DMD: variants seen among roughly 807,000 people sequenced by gnomAD.
DMD encodes the protein mutant dystrophin.
In DMD, 63 loss-of-function variants were observed where a neutral mutation model predicts 330.1. That is an observed-to-expected ratio of 0.19 (90% CI 0.16 to 0.24). The LOEUF (loss-of-function observed/expected upper bound fraction) is 0.24. Among genes scored for constraint, DMD ranks in the 10% least tolerant of loss-of-function variants. The pLI is 1.00. For missense variants in DMD, 3,344 were observed against 2,684.1 expected, an observed-to-expected ratio of 1.25 and a Z score of -5.43; for synonymous variants, 1,223 against 959.8, an observed-to-expected ratio of 1.27 and a Z score of -5.07.
chrX:32,715,412 G>C (rs866183113), intron 7 of DMD, among the ~76,000 whole-genome samples: 37 of 101,556 alleles, frequency 3.6e-4, no homozygotes, highest in African/African-American at 1.4e-3. Context: ...AGGAAGTGGA[G>C]GTTGCAGTGA....
intron 19 of DMD, among the ~76,000 whole-genome samples, chrX:32,497,691 G>A (rs751909844): frequency 5.0e-4 from 56 of 111,576 alleles, no homozygotes; most frequent in Admixed American, 1.6e-3. Flanking sequence ...GTACTCATGC[G>A]AGAACACTGT....
chrX:32,190,403 A>G (rs1485965573), intron 44 of DMD, among the ~76,000 whole-genome samples: 2 of 108,452 alleles, frequency 1.8e-5, no homozygotes, highest in Non-Finnish European at 3.8e-5. Flanking sequence ...TTCCGCAATA[A>G]GTGACACAGC....
At chrX:31,542,182 G>A (rs903155149) in intron 55 of DMD, among the ~76,000 whole-genome samples, 1 of 111,816 alleles carries the variant, frequency 8.9e-6, no homozygotes, top group South Asian at 3.8e-4. Context: ...TGCAAAGGAC[G>A]CTATGGGGAC....
At chrX:32,336,250 A>C (rs2097714965) in intron 41 of DMD, among the ~76,000 whole-genome samples, 1 of 110,747 alleles carries the variant, frequency 9.0e-6, no homozygotes, top group African/African-American at 3.3e-5. Context: ...ACTCCTCCTC[A>C]AGTGATCCGC....
chrX:31,766,723 A>G (rs1161178751), intron 51 of DMD, among the ~76,000 whole-genome samples: 1 of 112,427 alleles, frequency 8.9e-6, no homozygotes, highest in African/African-American at 3.2e-5. Context: ...AGTGAATTGA[A>G]TTAAAATATA....
chrX:32,215,843 T>A lies in DMD; in HGVS notation c.6438+1073A>T, dbSNP rs1461938054. ...CTCTCTATACAAATGCCAACGCTGG[T>A]GTGCATGCAAGTTTGATTGATACAC... On this transcript the variant is annotated intron_variant, in intron 44 of 78. Transcript: ENST00000357033. Among the ~76,000 whole-genome samples the A allele has an allele frequency of 4.5e-5, 5 of 112,095 alleles. No homozygotes were observed. In the East Asian group the frequency reaches 1.4e-3, roughly 31 times the overall value.
rs768304534 is a variant in DMD at position 31,298,178 on chromosome X, A to G, written c.9224+25420T>C. On this transcript the variant is annotated intron_variant, in intron 62 of 78. Transcript: ENST00000357033. ...GTACACACATACCTGTCTATATCCA[A>G]GCTTGGGGGTAACACTTCTGGGTTT... 7.2e-5 allele frequency among the ~76,000 whole-genome samples: 8 copies of G among 111,518 alleles called. 1 individual carries two copies. In the South Asian group the frequency reaches 3.0e-3, roughly 42 times the overall value.
intron 63 of DMD, among the ~76,000 whole-genome samples, chrX:31,243,053 T>C (rs768005149): frequency 4.5e-5 from 5 of 111,676 alleles, no homozygotes; most frequent in Non-Finnish European, 9.4e-5. Flanking sequence ...TCATGCCTTA[T>C]ACTTTTGTGC....
intron 1 of DMD, among the ~76,000 whole-genome samples, chrX:33,143,781 G>A (rs1480477422): frequency 9.0e-6 from 1 of 111,572 alleles, no homozygotes; most frequent in South Asian, 3.7e-4. Flanking sequence ...TTTATATAGC[G>A]TTAACTCCTC....
intron 47 of DMD, among the ~76,000 whole-genome samples, chrX:31,896,931 T>C (rs1253508162): frequency 2.7e-5 from 3 of 111,573 alleles, no homozygotes; most frequent in African/African-American, 9.8e-5. Context: ...TTTTTTCTTT[T>C]ATTATTGTAC....
At chrX:33,157,829 C>T in intron 1 of DMD, among the ~76,000 whole-genome samples, 1 of 111,811 alleles carries the variant, frequency 8.9e-6, no homozygotes, top group Non-Finnish European at 1.9e-5. Flanking sequence ...TGGTGGCACA[C>T]TCCTGTAATC....
intron 51 of DMD, among the ~76,000 whole-genome samples, chrX:31,740,817 G>C (rs989932311): frequency 1.8e-5 from 2 of 111,733 alleles, no homozygotes; most frequent in Non-Finnish European, 3.8e-5. Context: ...AACGAAGTTT[G>C]CTGCATCGAT....
intron 1 of DMD, among the ~76,000 whole-genome samples, chrX:33,045,841 G>A (rs1391511450): frequency 8.9e-6 from 1 of 111,769 alleles, no homozygotes; most frequent in Non-Finnish European, 1.9e-5. Context: ...ATCTCATCAG[G>A]TTTGTGATAA....
intron 12 of DMD, among the ~76,000 whole-genome samples, chrX:32,603,410 A>G (rs987471069): frequency 3.6e-5 from 4 of 111,676 alleles, no homozygotes; most frequent in African/African-American, 9.7e-5. Context: ...CCAAAAAGAT[A>G]GAAAGATCTA....
intron 60 of DMD, among the ~76,000 whole-genome samples, chrX:31,415,086 C>T (rs2061808093): frequency 8.9e-6 from 1 of 112,197 alleles, no homozygotes; most frequent in Admixed American, 9.5e-5. Context: ...GTTTGGAATT[C>T]AGGCTTCCTT....
At chrX:31,667,346 T>C (rs1305746751) in intron 53 of DMD, among the ~76,000 whole-genome samples, 2 of 111,779 alleles carry the variant, frequency 1.8e-5, no homozygotes, top group African/African-American at 3.2e-5. Flanking sequence ...GACATTTGGG[T>C]TGGTTCTACT....
At chrX:32,983,560 CACACACACACACACATAT>C (rs1206453347) in intron 2 of DMD, among the ~76,000 whole-genome samples, 2 of 91,362 alleles carry the variant, frequency 2.2e-5, no homozygotes, top group African/African-American at 1.2e-4. Context: ...CACACACACA[CACACACACACACACATAT>C]AGGAACACCG....
chrX:32,198,202 CA>C (rs2097015687), intron 44 of DMD, among the ~76,000 whole-genome samples: 2 of 110,275 alleles, frequency 1.8e-5, no homozygotes, highest in African/African-American at 6.6e-5. Context: ...AACTATATTC[CA>C]AAAATCAATA....
At chrX:32,690,328 T>G (rs1001685469) in intron 9 of DMD, among the ~76,000 whole-genome samples, 4 of 111,145 alleles carry the variant, frequency 3.6e-5, no homozygotes, top group African/African-American at 1.3e-4. Context: ...CTGAAAACTA[T>G]AAAACATTGA....
Sources: allele counts gnomAD v4.1 joint callset (sites outside exome capture counted in the v4.1 genomes callset), GRCh38; gene constraint gnomAD v4.1.1; transcripts MANE v1.5; gene names NCBI Gene and HGNC (gene_info 2026-07-23, HGNC 2026-07-21).